RBFOX2: variants seen among roughly 807,000 people sequenced by gnomAD.
The protein encoded by RBFOX2 is RNA binding fox-1 homolog 2, also known as RNA binding protein fox-1 homolog 2.
Under a neutral mutation model 49.1 loss-of-function variants are expected in RBFOX2, and 10 were observed. The observed-to-expected ratio is 0.20, with a 90% CI of 0.13 to 0.35. RBFOX2 has a LOEUF of 0.35. Ranked by LOEUF, RBFOX2 falls within the 10% of genes least tolerant of loss-of-function variation. The probability of loss-of-function intolerance (pLI) is 1.00; values close to 1 mark genes in which losing one functional copy is unlikely to be tolerated. For synonymous variants in RBFOX2, 183 were observed against 187.4 expected (o/e 0.98, Z 0.19); for missense variants, 323 against 486.9 (o/e 0.66, Z 3.17).
At chr22:35,781,850 A>T (rs570002665) in intron 2 of RBFOX2, 104 bp from the exon 4 acceptor site, 1 of 1,368,362 alleles carries the variant, frequency 7.3e-7, no homozygotes, top group Non-Finnish European at 1.0e-6. Context: ...TTTAAGCAAA[A>T]ATCACAGTAG....
chr22:35,863,031 C>G (rs953624466), intron 1 of RBFOX2, among the ~76,000 whole-genome samples: 1 of 152,076 alleles, frequency 6.6e-6, no homozygotes, highest in Non-Finnish European at 1.5e-5. Flanking sequence ...GTGGCCTCAA[C>G]AGCAGGCAGA....
intron 1 of RBFOX2, among the ~76,000 whole-genome samples, chr22:35,909,506 T>A (rs890272310): frequency 1.3e-5 from 2 of 152,104 alleles, no homozygotes; most frequent in African/African-American, 2.4e-5. Context: ...ACAACAATTT[T>A]AAAAGTAACG....
At chr22:35,902,203 C>T (rs1021462328) in intron 1 of RBFOX2, among the ~76,000 whole-genome samples, 4 of 152,300 alleles carry the variant, frequency 2.6e-5, no homozygotes, top group Non-Finnish European at 4.4e-5. Context: ...CCCCTCCCTA[C>T]AATTTTTGAC....
At chr22:35,780,639 C>T (rs1384730507) in intron 3 of RBFOX2, among the ~76,000 whole-genome samples, 1 of 152,064 alleles carries the variant, frequency 6.6e-6, no homozygotes, top group Non-Finnish European at 1.5e-5. Context: ...TGAGCAACAA[C>T]GTATTATAAA....
intron 9 of RBFOX2, among the ~76,000 whole-genome samples, chr22:35,757,233 A>G (rs548151723): frequency 1.3e-5 from 2 of 152,024 alleles, no homozygotes; most frequent in African/African-American, 4.8e-5. Context: ...TAAAAAAAAA[A>G]AAAAAACAAA....
chr22:35,756,859 TA>T (rs566885584), intron 9 of RBFOX2, among the ~76,000 whole-genome samples: 10 of 147,622 alleles, frequency 6.8e-5, no homozygotes, highest in South Asian at 2.2e-4. Flanking sequence ...GAAATGTAAT[TA>T]AAAAAAAAAC....
At chr22:35,901,043 A>G (rs1298527286) in intron 1 of RBFOX2, among the ~76,000 whole-genome samples, 2 of 152,222 alleles carry the variant, frequency 1.3e-5, no homozygotes, top group Non-Finnish European at 1.5e-5. Flanking sequence ...AGAGCATATT[A>G]TGTGCCACAA....
chr22:35,780,926 C>T (rs567874689), intron 3 of RBFOX2, among the ~76,000 whole-genome samples: 28 of 152,202 alleles, frequency 1.8e-4, no homozygotes, highest in East Asian at 7.7e-4. Context: ...GTGGCAATAA[C>T]GCATCCCTGA....
chr22:36,012,934 T>C (rs1331626878), intron 1 of RBFOX2, among the ~76,000 whole-genome samples: 7 of 151,994 alleles, frequency 4.6e-5, no homozygotes, highest in African/African-American at 1.7e-4. Context: ...CCAGCAAATT[T>C]TTTTTATTTT....
intron 1 of RBFOX2, among the ~76,000 whole-genome samples, chr22:35,990,129 G>A (rs1415096061): frequency 6.6e-6 from 1 of 152,186 alleles, no homozygotes; most frequent in Non-Finnish European, 1.5e-5. Context: ...GTTGCAGTGA[G>A]CAGAGATCGT....
At chr22:35,966,651 C>T (rs1401627096), upstream of RBFOX2, among the ~76,000 whole-genome samples, 1 of 151,956 alleles carries the variant, frequency 6.6e-6, no homozygotes, top group African/African-American at 2.4e-5. Context: ...AATATTTTGC[C>T]CATTTTGCTA....
At chr22:35,780,554 T>C (rs1456234082) in intron 3 of RBFOX2, among the ~76,000 whole-genome samples, 1 of 152,148 alleles carries the variant, frequency 6.6e-6, no homozygotes, top group East Asian at 1.9e-4. Context: ...AAATAAACAG[T>C]TGAAAGAATA....
At chr22:36,008,995 A>G (rs2058717185) in intron 1 of RBFOX2, among the ~76,000 whole-genome samples, 1 of 152,080 alleles carries the variant, frequency 6.6e-6, no homozygotes, top group Non-Finnish European at 1.5e-5. Context: ...TCTCACATCA[A>G]TATTCTTTCT....
chr22:35,854,527 AAGGTTACAGTG>A (rs567671501), intron 1 of RBFOX2, among the ~76,000 whole-genome samples: 70 of 151,994 alleles, frequency 4.6e-4, no homozygotes, highest in African/African-American at 1.6e-3. Flanking sequence ...CCAGGAGGTC[AAGGTTACAGTG>A]AGTTATGATC....
At chr22:35,891,066 T>C (rs2047178785) in intron 1 of RBFOX2, among the ~76,000 whole-genome samples, 1 of 152,174 alleles carries the variant, frequency 6.6e-6, no homozygotes, top group Non-Finnish European at 1.5e-5. Flanking sequence ...TTATTATCTG[T>C]GTAGACAGAT....
At chr22:35,848,691 A>C (rs2041521229) in intron 1 of RBFOX2, among the ~76,000 whole-genome samples, 1 of 152,224 alleles carries the variant, frequency 6.6e-6, no homozygotes, top group African/African-American at 2.4e-5. Flanking sequence ...TGAAAGAAAA[A>C]AATAATTAAA....
chr22:35,745,377 T>C (rs1932172308), intron 11 of RBFOX2, among the ~76,000 whole-genome samples: 2 of 152,120 alleles, frequency 1.3e-5, no homozygotes, highest in Admixed American at 1.3e-4. Flanking sequence ...CTTCGATACT[T>C]CTATCAACAA....
intron 9 of RBFOX2, chr22:35,746,771 G>C (rs979513161): frequency 1.0e-5 from 4 of 391,562 alleles, no homozygotes; most frequent in Non-Finnish European, 1.8e-5. Flanking sequence ...GATATGCAAG[G>C]ATTTGCTTTC....
chr22:35,978,520 T>C (rs2057306267), intron 1 of RBFOX2, among the ~76,000 whole-genome samples: 1 of 152,166 alleles, frequency 6.6e-6, no homozygotes, highest in Non-Finnish European at 1.5e-5. Context: ...CCAGAGCTTC[T>C]TGGAAATGGC....
Sources: gnomAD v4.1 joint callset for allele counts (sites outside exome capture counted in the v4.1 genomes callset) on GRCh38, gnomAD v4.1.1 for gene constraint, MANE v1.5 for transcripts, NCBI Gene and HGNC (gene_info 2026-07-23, HGNC 2026-07-21) for gene names.